Variants in TPR observed in about 807,000 individuals in gnomAD.
The protein encoded by TPR is nucleoprotein TPR.
Under a neutral mutation model 316.1 loss-of-function variants are expected in TPR, and 51 were observed. That is an observed-to-expected ratio of 0.16 (90% CI 0.13 to 0.20). The LOEUF (loss-of-function observed/expected upper bound fraction) is 0.20. TPR is among the 10% of genes least tolerant of loss of function. TPR has a pLI of 1.00. For synonymous variants in TPR, 981 were observed against 914.7 expected (o/e 1.07, Z -1.31); for missense variants, 2,272 against 2,754.8 (o/e 0.82, Z 3.92).
intron 43 of TPR, 48 bp downstream of exon 43, chr1:186,323,638 A>C: frequency 7.1e-7 from 1 of 1,407,144 alleles, no homozygotes; most frequent in Non-Finnish European, 9.3e-7. Flanking sequence ...GAGAAAAGCC[A>C]AGATTTTTTT....
At chr1:186,334,930 T>C in intron 35 of TPR, 138 bp downstream of exon 35, 1 of 831,870 alleles carries the variant, frequency 1.2e-6, no homozygotes. Flanking sequence ...CATGATACAG[T>C]TCTGCAGAGA....
Position 186,312,239 on chromosome 1 carries a change from T to C in TPR, c.*1732A>G. ...TACAGAAGTGCCCTGGAAGAAGGCCTGCTCTAAATTATCCAGTGTATGGAG... is the reference window on the plus strand; with the variant it reads ...TACAGAAGTGCCCTGGAAGAAGGCCCGCTCTAAATTATCCAGTGTATGGAG... On this transcript the variant is annotated 3_prime_UTR_variant, in exon 51 of 51. Coordinates refer to ENST00000367478, the MANE Select transcript of TPR (RefSeq NM_003292.3). The C allele has an allele frequency of 1.2e-6, 2 of 1,614,116 alleles. No homozygotes were observed. Among genetic ancestry groups the C allele is most frequent in the South Asian group, 1.1e-5 (1 of 91,080 alleles).
At position 186,336,600 on chromosome 1, in the gene TPR, T is replaced by C. The variant is rs757508500; in HGVS notation, c.4601A>G (p.Asp1534Gly). The C allele has an allele frequency of 1.2e-6, 2 of 1,613,808 alleles. No homozygotes were observed. Among genetic ancestry groups the C allele is most frequent in the Non-Finnish European group, 1.7e-6 (2 of 1,179,910 alleles). ...ELSRLRQDLQ[D>G]RTTQEEQLRQ... The stretch of plus-strand genomic sequence containing the variant: ...GAGCTGCTCCTCCTGTGTGGTTCTA[T>C]CTTGAAGATCCTGACGAAGTCGTGA... Residue 1534 changes from aspartate to glycine, a missense_variant, in exon 33 of 51, where the codon GAT (aspartate) becomes GGT (glycine). By Grantham distance (94) the Asp-to-Gly change is moderately conservative. Coordinates refer to ENST00000367478, the MANE Select transcript of TPR (RefSeq NM_003292.3).
chr1:186,312,829 C>A lies in TPR; in HGVS notation c.*1142G>T. Reference sequence around the variant, plus strand: ...TGGAGAGGACTTCCAAATGTGGTTACCTCAGCTATATCACTGCCCAACATC... The same window carrying A: ...TGGAGAGGACTTCCAAATGTGGTTAACTCAGCTATATCACTGCCCAACATC... On this transcript the variant is annotated 3_prime_UTR_variant, in exon 51 of 51. Coordinates refer to ENST00000367478, the MANE Select transcript of TPR (RefSeq NM_003292.3). 1 of 1,611,516 alleles carries A rather than the reference C, an allele frequency of 6.2e-7. No individual in the cohort carries two copies. Among genetic ancestry groups the A allele is most frequent in the Non-Finnish European group, 8.5e-7 (1 of 1,177,662 alleles).
rs1288961562 is a variant in TPR, at chr1:186,343,386, A to G, written c.3690T>C (p.Leu1230=). 6.2e-7 allele frequency: 1 copy of G among 1,614,102 alleles called. No individual in the cohort carries two copies. Among genetic ancestry groups the G allele is most frequent in the Admixed American group, 1.7e-5 (1 of 60,032 alleles). The change falls in exon 27 of 51, where the codon CTT becomes CTC. Residue 1230 remains leucine (L), a synonymous_variant. Transcript: ENST00000367478. ...ESLRYRQRVE[L]LERELQELQD... ...GCAGTTCCTGCAGCTCTCTTTCTAAAAGTTCAACCCTTTGTCGATAACGCA... is the reference window on the plus strand; with the variant it reads ...GCAGTTCCTGCAGCTCTCTTTCTAAGAGTTCAACCCTTTGTCGATAACGCA...
chr1:186,357,417 T>G lies in TPR; in HGVS notation c.1704A>C (p.Glu568Asp). Residue 568 changes from glutamate to aspartate, a missense_variant, in exon 14 of 51, where the codon GAA (glutamate) becomes GAC (aspartate). Around this residue, in one of 10 missense-constraint regions of TPR, gnomAD observed 757 missense variants for 859.8 expected, o/e 0.88. Transcript: ENST00000367478. ...CTTACTTGGATGAAGTTGTTTCTTG[T>G]TCTTCTCTTTCTCTGGTTTCCCCAA... ...RELGETRERE[E>D]QETTSSKITE... is the part of the protein sequence containing the mutation. The G allele has an allele frequency of 1.9e-6, 3 of 1,613,982 alleles. No homozygotes were observed. Among genetic ancestry groups the G allele is most frequent in the Non-Finnish European group, 2.5e-6 (3 of 1,179,986 alleles).
chr1:186,343,598 A>G (rs190203993), intron 26 of TPR, 125 bp from the exon 27 acceptor site: 8,665 of 850,190 alleles, frequency 0.01, 69 homozygotes, highest in Non-Finnish European at 0.012. Flanking sequence ...TTCATTAATA[A>G]TAAATAATAA....
chr1:186,339,245 C>G lies in TPR; in HGVS notation c.4151+397G>C, dbSNP rs141247140. Among the ~76,000 whole-genome samples the G allele has an allele frequency of 5.9e-3, 894 of 151,704 alleles. 12 individuals are homozygous for G. Among genetic ancestry groups the G allele is most frequent in the African/African-American group, 0.02 (838 of 41,352 alleles). On this transcript the variant is annotated intron_variant, in intron 30 of 50. Coordinates refer to ENST00000367478, the MANE Select transcript of TPR (RefSeq NM_003292.3). ...AGGAGTTTGAGACCAGCCTGGGCAA[C>G]AGAGGGAAACACTGTTCTCCACAAA...
chr1:186,345,392 G>A (rs1658644596), intron 24 of TPR, among the ~76,000 whole-genome samples, 188 bp downstream of exon 24: 1 of 152,046 alleles, frequency 6.6e-6, no homozygotes, highest in Admixed American at 6.6e-5. Flanking sequence ...CTTTGTTAAT[G>A]AATATTGCCC....
At chr1:186,327,792 T>A in intron 39 of TPR, 132 bp from the exon 40 acceptor site, 1 of 831,426 alleles carries the variant, frequency 1.2e-6, no homozygotes, top group Non-Finnish European at 1.8e-6. Context: ...AATTTAATTT[T>A]TTTTTTTTGA....
intron 29 of TPR, 99 bp downstream of exon 29, chr1:186,340,928 TA>T (rs1658491455): frequency 7.0e-7 from 1 of 1,421,204 alleles, no homozygotes; most frequent in Non-Finnish European, 9.6e-7. Context: ...ATAAACACAG[TA>T]ATTTTCACTA....
chr1:186,315,654 T>C (rs1657588232), intron 49 of TPR, among the ~76,000 whole-genome samples: 1 of 151,834 alleles, frequency 6.6e-6, no homozygotes, highest in Non-Finnish European at 1.5e-5. Context: ...CATGTCATTA[T>C]TCTGTGTGAA....
In TPR at chr1:186,356,276, A is replaced by G; in HGVS notation, c.1888+10T>C. On this transcript the variant is annotated intron_variant, in intron 15 of 50. Coordinates refer to ENST00000367478, the MANE Select transcript of TPR (RefSeq NM_003292.3). ...AAATTATTCCTTAAAATAACTTTAT[A>G]AAAACCTACCATGTAATGGAATGGC... The G allele has an allele frequency of 6.3e-7, 1 of 1,577,262 alleles. No individual in the cohort carries two copies. The highest frequency in any genetic ancestry group is 1.4e-5 in the African/African-American group (1 of 73,676).
intron 49 of TPR, among the ~76,000 whole-genome samples, chr1:186,315,203 T>A: frequency 1.5e-5 from 2 of 134,966 alleles, no homozygotes; most frequent in Non-Finnish European, 1.6e-5. Context: ...CAAGGCCCTG[T>A]CTCAAAAAAA....
chr1:186,342,302 T>C (rs186659136), intron 27 of TPR: 1 of 148,792 alleles, frequency 6.7e-6, no homozygotes, highest in Non-Finnish European at 1.5e-5. Context: ...TAATCTATGT[T>C]ACTTGTTGAC....
intron 5 of TPR, 50 bp from the exon 6 acceptor site, chr1:186,363,051 T>C: frequency 6.5e-7 from 1 of 1,538,568 alleles, no homozygotes; most frequent in African/African-American, 1.4e-5. Flanking sequence ...GATATATGAT[T>C]ATTCAAAAGA....
chr1:186,314,743 TAAA>T lies in TPR; in HGVS notation c.6941-22_6941-20del. 6.4e-7 allele frequency: 1 copy of T among 1,552,454 alleles called. No homozygotes were observed. Among genetic ancestry groups the T allele is most frequent in the Non-Finnish European group, 8.8e-7 (1 of 1,139,452 alleles). Reference sequence around the variant, plus strand: ...CTAGTATCTAAGAAAAACATTAAGATAAAAGAAAAGCAAGTGAAAAAATGAGAA... The same window carrying T: ...CTAGTATCTAAGAAAAACATTAAGATAGAAAAGCAAGTGAAAAAATGAGAA... On this transcript the variant is annotated intron_variant, in intron 49 of 50. Coordinates refer to ENST00000367478, the MANE Select transcript of TPR (RefSeq NM_003292.3).
At chr1:186,329,755 A>G (rs1425958887) in intron 39 of TPR, among the ~76,000 whole-genome samples, 2 of 152,210 alleles carry the variant, frequency 1.3e-5, no homozygotes, top group African/African-American at 2.4e-5. Flanking sequence ...AACTTACAAA[A>G]TAAACGCAGC....
At chr1:186,316,686 G>A (rs1165999841) in intron 49 of TPR, among the ~76,000 whole-genome samples, 2 of 152,134 alleles carry the variant, frequency 1.3e-5, no homozygotes, top group South Asian at 2.1e-4. Flanking sequence ...CAGTGTAATC[G>A]TTGCTTGTCC....
Sources: gnomAD v4.1 joint callset for allele counts (sites outside exome capture counted in the v4.1 genomes callset) on GRCh38, gnomAD v4.1.1 for gene constraint, gnomAD v4.1.1 regional missense constraint, MANE v1.5 for transcripts, NCBI Gene and HGNC (gene_info 2026-07-23, HGNC 2026-07-21) for gene names.